The following DOCK1 variants were observed in gnomAD, a reference collection of about 807,000 sequenced individuals.
DOCK1 encodes the protein dedicator of cytokinesis protein 1.
In DOCK1, 138 loss-of-function variants were observed where a neutral mutation model predicts 262.7. That is an observed-to-expected ratio of 0.53 (90% CI 0.46 to 0.61). The LOEUF (loss-of-function observed/expected upper bound fraction) is 0.61, where lower values mean the gene tolerates loss of function less well. Among genes scored for constraint, DOCK1 ranks in the 20% least tolerant of loss-of-function variants. The probability of loss-of-function intolerance (pLI) is 0.00; values close to 1 mark genes in which losing one functional copy is unlikely to be tolerated. For missense variants in DOCK1, 1,908 were observed against 2,370.7 expected, an observed-to-expected ratio of 0.80 and a Z score of 4.05; for synonymous variants, 866 against 867.4, an observed-to-expected ratio of 1.00 and a Z score of 0.03.
Position 127,170,161 on chromosome 10 carries a change from TG to T in DOCK1, c.2847+42398del, listed in dbSNP as rs1467251442. ...ATGGGAGGTGATAAATGACTGGGTTTGCCACCCTTCCTGCAAGGTACTAGAC... is the reference window on the plus strand; with the variant it reads ...ATGGGAGGTGATAAATGACTGGGTTTCCACCCTTCCTGCAAGGTACTAGAC... On this transcript the variant is annotated intron_variant, in intron 27 of 51. Coordinates refer to ENST00000623213, the MANE Select transcript of DOCK1 (RefSeq NM_001290223.2). Among the ~76,000 whole-genome samples, 5 of 152,240 alleles carry T rather than the reference TG, an allele frequency of 3.3e-5. No individual in the cohort carries two copies. In the East Asian group the frequency reaches 9.7e-4, roughly 29 times the overall value.
At chr10:127,223,652 C>T (rs1171402224) in intron 27 of DOCK1, among the ~76,000 whole-genome samples, 1 of 152,154 alleles carries the variant, frequency 6.6e-6, no homozygotes, top group Non-Finnish European at 1.5e-5. Context: ...ATAAGGGATA[C>T]TCCACTTTTA....
At chr10:126,990,169 C>A (rs565299949) in intron 5 of DOCK1, among the ~76,000 whole-genome samples, 1 of 152,260 alleles carries the variant, frequency 6.6e-6, no homozygotes, top group South Asian at 2.1e-4. Flanking sequence ...AAGGTCTAGC[C>A]CCTGTTGGGA....
chr10:127,288,307 A>G (rs2061231163), intron 29 of DOCK1, among the ~76,000 whole-genome samples: 1 of 152,066 alleles, frequency 6.6e-6, no homozygotes, highest in Admixed American at 6.6e-5. Flanking sequence ...TCTCAGGTTG[A>G]TCTTTTACAT....
intron 29 of DOCK1, among the ~76,000 whole-genome samples, chr10:127,286,326 C>T (rs2061151268): frequency 6.6e-6 from 1 of 152,182 alleles, no homozygotes; most frequent in Admixed American, 6.5e-5. Context: ...TGATTTCTTT[C>T]AGCACTTCAA....
At chr10:127,110,995 AG>A (rs1244907318) in intron 25 of DOCK1, among the ~76,000 whole-genome samples, 1 of 152,204 alleles carries the variant, frequency 6.6e-6, no homozygotes, top group Non-Finnish European at 1.5e-5. Flanking sequence ...GCAAATGTGA[AG>A]TCTGTTGAGT....
rs566240366 is a variant in DOCK1, at chr10:127,444,208, C to G, written c.5342C>G (p.Ser1781Trp). The G allele has an allele frequency of 6.2e-7, 1 of 1,610,616 alleles. No homozygotes were observed. Among genetic ancestry groups the G allele is most frequent in the Non-Finnish European group, 8.5e-7 (1 of 1,178,910 alleles). ...GAAAGGCGCTTCTCGGTGTCCCCCTCGTCACCGTCCTCCCAGCAAACACCC... is the reference window on the plus strand; with the variant it reads ...GAAAGGCGCTTCTCGGTGTCCCCCTGGTCACCGTCCTCCCAGCAAACACCC... Reference protein sequence around the residue: ...GSERRFSVSPSSPSSQQTPPP... With the variant: ...GSERRFSVSPWSPSSQQTPPP... Residue 1781 changes from serine to tryptophan, a missense_variant, in exon 50 of 52, where the codon TCG becomes TGG. This residue lies in a region of DOCK1 where 383 missense variants were observed against 420.1 expected (regional missense o/e 0.91). Transcript: ENST00000623213.
At chr10:127,171,773 G>C (rs1483845896) in intron 27 of DOCK1, among the ~76,000 whole-genome samples, 2 of 151,932 alleles carry the variant, frequency 1.3e-5, no homozygotes, top group African/African-American at 4.8e-5. Context: ...GTGTGATCTT[G>C]GCCCACTGCA....
At chr10:127,323,616 G>A (rs1043131168) in intron 29 of DOCK1, among the ~76,000 whole-genome samples, 3 of 152,192 alleles carry the variant, frequency 2.0e-5, no homozygotes, top group African/African-American at 7.2e-5. Flanking sequence ...CATGGCCACT[G>A]ATCCGTGGGG....
chr10:127,204,289 T>G (rs188312402), intron 27 of DOCK1, among the ~76,000 whole-genome samples: 32 of 152,316 alleles, frequency 2.1e-4, no homozygotes, highest in Admixed American at 1.2e-3. Flanking sequence ...TGTTTTGTTT[T>G]GTTTGGTTTG....
chr10:127,163,428 GT>G (rs951890386), intron 27 of DOCK1, among the ~76,000 whole-genome samples: 10 of 152,102 alleles, frequency 6.6e-5, no homozygotes, highest in Non-Finnish European at 1.2e-4. Context: ...GTGGGCAGAG[GT>G]TTTTGTCTGT....
chr10:127,309,460 AT>A (rs34165713), intron 29 of DOCK1, among the ~76,000 whole-genome samples: 26,619 of 151,914 alleles, frequency 0.18, 2,966 homozygotes, highest in East Asian at 0.35. Context: ...CCGGTTGTCA[AT>A]TTTTTGCTTT....
intron 27 of DOCK1, among the ~76,000 whole-genome samples, chr10:127,184,664 A>G (rs2056061697): frequency 6.6e-6 from 1 of 152,122 alleles, no homozygotes; most frequent in South Asian, 2.1e-4. Flanking sequence ...CTACTCAGAA[A>G]TGCTCCATCT....
chr10:127,026,490 G>A lies in DOCK1; in HGVS notation c.1624+66G>A, dbSNP rs1591720320. 13 of 1,428,964 alleles carry A rather than the reference G, an allele frequency of 9.1e-6. No individual in the cohort carries two copies. In the East Asian group the frequency reaches 1.7e-4, roughly 19 times the overall value. The allele number at this position is 1,428,964 out of a possible 1,614,324, so 88.5% of individuals were successfully genotyped here. ...GGAGAACTGGGGGAAAGCGCGAGAG[G>A]CCACTCTCAGTTGTTCTGGAACTCG... On this transcript the variant is annotated intron_variant, in intron 16 of 51. Coordinates refer to ENST00000623213, the MANE Select transcript of DOCK1 (RefSeq NM_001290223.2).
intron 46 of DOCK1, among the ~76,000 whole-genome samples, chr10:127,421,012 G>T (rs572429465): frequency 1.3e-4 from 20 of 151,948 alleles, no homozygotes; most frequent in African/African-American, 4.6e-4. Context: ...CTCCTCCGGG[G>T]TTCAAGTGAT....
At chr10:126,994,169 C>T (rs890889438) in intron 6 of DOCK1, among the ~76,000 whole-genome samples, 14 of 152,188 alleles carry the variant, frequency 9.2e-5, no homozygotes, top group Non-Finnish European at 1.9e-4. Context: ...CCAGAACCTA[C>T]TGCCAGATCA....
intron 1 of DOCK1, among the ~76,000 whole-genome samples, chr10:126,940,683 C>T (rs1401666649): frequency 6.6e-5 from 10 of 152,298 alleles, no homozygotes; most frequent in Middle Eastern, 6.8e-3. Flanking sequence ...GGATTATAGG[C>T]GTGAGCCACT....
chr10:126,942,153 T>C (rs2035062244), intron 1 of DOCK1, among the ~76,000 whole-genome samples: 1 of 149,626 alleles, frequency 6.7e-6, no homozygotes. Flanking sequence ...GCCTCCCGAG[T>C]AGCGGGACTA....
intron 29 of DOCK1, among the ~76,000 whole-genome samples, chr10:127,338,716 CT>C (rs986671931): frequency 2.0e-5 from 3 of 151,126 alleles, no homozygotes; most frequent in East Asian, 1.9e-4. Flanking sequence ...CTTTTTTTTT[CT>C]TTTTTTTAAT....
At chr10:127,393,137 T>C (rs982696158) in intron 38 of DOCK1, among the ~76,000 whole-genome samples, 2 of 152,176 alleles carry the variant, frequency 1.3e-5, no homozygotes, top group East Asian at 3.9e-4. Context: ...ATTTCCTTGG[T>C]TCGATCTTAC....
Sources: gnomAD v4.1 joint callset for allele counts (sites outside exome capture counted in the v4.1 genomes callset) on GRCh38, gnomAD v4.1.1 for gene constraint, gnomAD v4.1.1 regional missense constraint, MANE v1.5 for transcripts, NCBI Gene and HGNC (gene_info 2026-07-23, HGNC 2026-07-21) for gene names.